IGSF5: variants seen among roughly 807,000 people sequenced by gnomAD.
IGSF5 encodes immunoglobulin superfamily 5 like.
Under a neutral mutation model 39.4 loss-of-function variants are expected in IGSF5, and 41 were observed. The observed-to-expected ratio is 1.04, with a 90% CI of 0.81 to 1.35. The LOEUF (loss-of-function observed/expected upper bound fraction) is 1.35. IGSF5 is among the 40% of genes most tolerant of loss of function. The pLI is 0.00. For synonymous variants in IGSF5, 183 were observed against 175.3 expected, an observed-to-expected ratio of 1.04 and a Z score of -0.34; for missense variants, 487 against 494.6, an observed-to-expected ratio of 0.98 and a Z score of 0.15.
chr21:39,785,260 G>A (rs533355581), intron 5 of IGSF5, among the ~76,000 whole-genome samples: 1 of 149,480 alleles, frequency 6.7e-6, no homozygotes, highest in East Asian at 2.0e-4. Context: ...CATGGGCAAG[G>A]ACTTTATGTC....
At chr21:39,755,289 A>G (rs2080023779) in intron 2 of IGSF5, among the ~76,000 whole-genome samples, 1 of 152,170 alleles carries the variant, frequency 6.6e-6, no homozygotes, top group African/African-American at 2.4e-5. Context: ...TCGAACCTTA[A>G]AAATTATTAA....
the IGSF5 span, among the ~76,000 whole-genome samples, chr21:39,736,096 AG>A: frequency 6.6e-6 from 1 of 151,050 alleles, no homozygotes; most frequent in Admixed American, 6.5e-5. Context: ...TAACTTCCTA[AG>A]GGGTCCCAGG....
chr21:39,764,396 G>A (rs57715190), intron 2 of IGSF5, among the ~76,000 whole-genome samples: 6,215 of 152,126 alleles, frequency 0.041, 425 homozygotes, highest in African/African-American at 0.14. Context: ...GCTCTAGTGC[G>A]GTGGCGTGAT....
intron 2 of IGSF5, among the ~76,000 whole-genome samples, chr21:39,752,195 T>C (rs991861147): frequency 2.6e-5 from 4 of 152,122 alleles, no homozygotes; most frequent in Admixed American, 6.6e-5. Context: ...CCAAAGTCCA[T>C]TGTGTCATTC....
intron 8 of IGSF5, among the ~76,000 whole-genome samples, chr21:39,799,878 G>C (rs16998559): frequency 2.0e-5 from 3 of 152,002 alleles, no homozygotes; most frequent in African/African-American, 4.8e-5. Context: ...ATTGTAAGAA[G>C]GGTCAGAAGG....
At chr21:39,752,968 A>T (rs2080012919) in intron 2 of IGSF5, among the ~76,000 whole-genome samples, 2 of 151,796 alleles carry the variant, frequency 1.3e-5, no homozygotes, top group Admixed American at 6.6e-5. Flanking sequence ...TACTCTGCTG[A>T]TTACTTCTTT....
At chr21:39,792,463 G>A (rs1261185761) in intron 7 of IGSF5, among the ~76,000 whole-genome samples, 1 of 152,036 alleles carries the variant, frequency 6.6e-6, no homozygotes, top group African/African-American at 2.4e-5. Flanking sequence ...CACCAACAAG[G>A]CACATGTATA....
At chr21:39,720,444 C>T in the IGSF5 span, among the ~76,000 whole-genome samples, 1 of 152,186 alleles carries the variant, frequency 6.6e-6, no homozygotes, top group East Asian at 1.9e-4. Flanking sequence ...AGAAGGTTCC[C>T]ATATACTCCA....
chr21:39,734,438 ATAC>A, the IGSF5 span, among the ~76,000 whole-genome samples: 11 of 62,038 alleles, frequency 1.8e-4, no homozygotes, highest in South Asian at 4.0e-4. Context: ...AAAAAAAAAA[ATAC>A]ACACACACAC....
the IGSF5 span, among the ~76,000 whole-genome samples, chr21:39,718,835 T>G: frequency 6.6e-6 from 1 of 152,148 alleles, no homozygotes; most frequent in East Asian, 1.9e-4. Context: ...CTGTGCCAGA[T>G]TTTGGTATCA....
At chr21:39,724,787 C>A in the IGSF5 span, among the ~76,000 whole-genome samples, 1 of 152,108 alleles carries the variant, frequency 6.6e-6, no homozygotes, top group African/African-American at 2.4e-5. Context: ...ACCAGCTGGG[C>A]AGGGAGAGGA....
intron 3 of IGSF5, among the ~76,000 whole-genome samples, chr21:39,767,793 T>C (rs1185738469): frequency 6.6e-6 from 1 of 152,140 alleles, no homozygotes. Context: ...AAGCTCAGGT[T>C]CCAGTCGGGA....
intron 4 of IGSF5, among the ~76,000 whole-genome samples, chr21:39,775,114 C>A (rs966919822): frequency 6.6e-6 from 1 of 151,948 alleles, no homozygotes; most frequent in African/African-American, 2.4e-5. Flanking sequence ...CTCTAATGGG[C>A]AGCCAGGATT....
chr21:39,746,857 C>A (rs1345351464), intron 2 of IGSF5, among the ~76,000 whole-genome samples: 1 of 152,182 alleles, frequency 6.6e-6, no homozygotes, highest in East Asian at 1.9e-4. Flanking sequence ...CCTCTATTCG[C>A]CCTTCAAGTG....
chr21:39,767,598 A>G (rs543294313), intron 3 of IGSF5, among the ~76,000 whole-genome samples: 14 of 152,320 alleles, frequency 9.2e-5, no homozygotes, highest in African/African-American at 3.4e-4. Flanking sequence ...GCCATTTGCT[A>G]TTATTTATTG....
At chr21:39,724,067 A>AAAAAT in the IGSF5 span, among the ~76,000 whole-genome samples, 1,235 of 137,020 alleles carry the variant, frequency 9.0e-3, 18 homozygotes, top group East Asian at 0.022. Context: ...CCCTGTCTCA[A>AAAAAT]AAAATAAAAT....
At chr21:39,720,742 T>C in the IGSF5 span, among the ~76,000 whole-genome samples, 1 of 152,238 alleles carries the variant, frequency 6.6e-6, no homozygotes. Context: ...TTAATATTCA[T>C]GTGTCAATAT....
chr21:39,712,615 C>T, the IGSF5 span, among the ~76,000 whole-genome samples: 1 of 152,022 alleles, frequency 6.6e-6, no homozygotes, highest in Non-Finnish European at 1.5e-5. Flanking sequence ...GCTGTTGGGT[C>T]CATGCATAGC....
the IGSF5 span, among the ~76,000 whole-genome samples, chr21:39,726,875 A>C: frequency 6.6e-6 from 1 of 152,206 alleles, no homozygotes; most frequent in East Asian, 1.9e-4. Flanking sequence ...CCATGAATGC[A>C]TGACTGTGGG....
Sources: allele counts gnomAD v4.1 joint callset (sites outside exome capture counted in the v4.1 genomes callset), GRCh38; gene constraint gnomAD v4.1.1; transcripts MANE v1.5; gene names NCBI Gene and HGNC (gene_info 2026-07-23, HGNC 2026-07-21).